MAP3K19: variants seen among roughly 807,000 people sequenced by gnomAD.
MAP3K19 encodes the protein mitogen-activated protein kinase kinase kinase 19.
MAP3K19 carries 91 observed loss-of-function variants against 114.4 expected under a neutral mutation model. The ratio of observed to expected loss-of-function variants is 0.80; its 90% confidence interval spans 0.67 to 0.95. The LOEUF (loss-of-function observed/expected upper bound fraction) is 0.95, where lower values mean the gene tolerates loss of function less well. Among genes scored for constraint, MAP3K19 ranks in the 40% least tolerant of loss-of-function variants. The probability of loss-of-function intolerance (pLI) is 0.00; values close to 1 mark genes in which losing one functional copy is unlikely to be tolerated. For synonymous variants in MAP3K19, 518 were observed against 530.5 expected, an observed-to-expected ratio of 0.98 and a Z score of 0.32; for missense variants, 1,471 against 1,573.2, an observed-to-expected ratio of 0.94 and a Z score of 1.10.
At chr2:135,033,540 T>C (rs1404336627) in intron 2 of MAP3K19, among the ~76,000 whole-genome samples, 9 of 56,192 alleles carry the variant, frequency 1.6e-4, no homozygotes, top group African/African-American at 2.5e-4. Context: ...GAGGCGCCCC[T>C]CACCTCCCGG....
chr2:134,998,906 G>A lies in MAP3K19; in HGVS notation c.406C>T (p.Leu136=), dbSNP rs1686226078. 6 of 1,614,060 alleles carry A rather than the reference G, an allele frequency of 3.7e-6. No homozygotes were observed. The East Asian group carries it at 1.1e-4, about 30-fold the overall frequency. Residue 136 remains leucine (L), a synonymous_variant, in exon 8 of 13, where the codon CTG becomes TTG. Coordinates refer to ENST00000392915, the MANE Select transcript of MAP3K19 (RefSeq NM_025052.5). ...TGCAAAACTAAGGGCCGCATGGTCA[G>A]CTTCTTTTTCCTGAGCTCCACCGTT... ...IETVELRKKK[L]TMRPLVLQKE... is the part of the protein sequence containing the mutation.
At chr2:134,971,368 C>T (rs1414888920) in intron 12 of MAP3K19, among the ~76,000 whole-genome samples, 1 of 152,060 alleles carries the variant, frequency 6.6e-6, no homozygotes, top group African/African-American at 2.4e-5. Context: ...GGATACTGGC[C>T]TATAGTTTTC....
intron 2 of MAP3K19, among the ~76,000 whole-genome samples, chr2:135,037,578 C>A (rs920562112): frequency 6.6e-6 from 1 of 152,012 alleles, no homozygotes; most frequent in African/African-American, 2.4e-5. Context: ...TGTTAGGAGG[C>A]ATGTCTCCAT....
intron 2 of MAP3K19, among the ~76,000 whole-genome samples, chr2:135,034,552 T>C (rs1399951010): frequency 1.5e-5 from 2 of 129,610 alleles, no homozygotes; most frequent in Non-Finnish European, 3.1e-5. Context: ...CCGTCTGCAA[T>C]CCCGGCACCT....
chr2:134,987,743 C>T lies in MAP3K19; in HGVS notation c.1129G>A (p.Ala377Thr), dbSNP rs1459059995. 2 of 1,609,584 alleles carry T rather than the reference C, an allele frequency of 1.2e-6. No homozygotes were observed. Among genetic ancestry groups the T allele is most frequent in the Non-Finnish European group, 1.7e-6 (2 of 1,179,978 alleles). Reference sequence around the variant, plus strand: ...TCTGGATCTTGTTCATAGTTTTTGGCTACTGAACTCTCATTCTTTCTTGAT... The same window carrying T: ...TCTGGATCTTGTTCATAGTTTTTGGTTACTGAACTCTCATTCTTTCTTGAT... Reference protein sequence around the residue: ...LSSRKNESSVAKNYEQDPEIV... With the variant: ...LSSRKNESSVTKNYEQDPEIV... The change falls in exon 10 of 13, where the codon GCC becomes ACC. Residue 377 changes from alanine (A) to threonine (T), a missense_variant. Transcript: ENST00000392915.
intron 9 of MAP3K19, 138 bp downstream of exon 9, chr2:134,991,399 C>A (rs929366800): frequency 2.8e-6 from 2 of 722,930 alleles, no homozygotes; most frequent in Non-Finnish European, 5.0e-6. Flanking sequence ...GGATTTTTGA[C>A]TGTGTTGGGG....
In MAP3K19 at chr2:134,964,844, G is replaced by A. The variant is rs187643783; in HGVS notation, c.*6C>T. 7.5e-5 allele frequency: 120 copies of A among 1,609,680 alleles called. No homozygotes were observed. The East Asian group carries it at 1.8e-3, about 24-fold the overall frequency. ...GTGGAACTGGGAAGAAAGTCTTGAT[G>A]TATATTCAGTGACTTCTCTCCAAGA... On this transcript the variant is annotated 3_prime_UTR_variant, in exon 13 of 13. Transcript: ENST00000392915.
At chr2:135,036,643 G>A (rs1036916750) in intron 2 of MAP3K19, among the ~76,000 whole-genome samples, 14 of 88,962 alleles carry the variant, frequency 1.6e-4, no homozygotes, top group African/African-American at 7.9e-4. Context: ...CATTATGTGT[G>A]TGTGTGTGTG....
chr2:135,009,681 C>T (rs1025767450), intron 5 of MAP3K19, among the ~76,000 whole-genome samples: 1 of 151,886 alleles, frequency 6.6e-6, no homozygotes, highest in South Asian at 2.1e-4. Context: ...TCATACCCAC[C>T]TACAAAATCC....
intron 11 of MAP3K19, chr2:134,983,048 T>C: frequency 2.7e-6 from 1 of 364,328 alleles, no homozygotes; most frequent in East Asian, 7.1e-5. Flanking sequence ...TGTCATTTTC[T>C]TTGTGTTGGG....
chr2:134,965,155 T>C (rs961806564), intron 12 of MAP3K19, among the ~76,000 whole-genome samples: 1 of 152,176 alleles, frequency 6.6e-6, no homozygotes, highest in Non-Finnish European at 1.5e-5. Flanking sequence ...TTAAATAATA[T>C]ATATACAACT....
At chr2:134,971,959 T>C (rs866099668) in intron 12 of MAP3K19, among the ~76,000 whole-genome samples, 1 of 152,014 alleles carries the variant, frequency 6.6e-6, no homozygotes, top group Non-Finnish European at 1.5e-5. Flanking sequence ...TTTTTATTTT[T>C]AATTTTTGTA....
intron 2 of MAP3K19, among the ~76,000 whole-genome samples, chr2:135,035,527 T>G (rs2104792581): frequency 6.6e-6 from 1 of 152,294 alleles, no homozygotes; most frequent in South Asian, 2.1e-4. Flanking sequence ...CTAAAGGATA[T>G]CGGGTTTCTT....
chr2:135,013,344 C>G lies in MAP3K19; in HGVS notation c.139-7813G>C, dbSNP rs991923262. Among the ~76,000 whole-genome samples, 11 of 149,884 alleles carry G rather than the reference C, an allele frequency of 7.3e-5. No homozygotes were observed. The South Asian group carries it at 8.4e-4, about 11-fold the overall frequency. On this transcript the variant is annotated intron_variant, in intron 5 of 12. Coordinates refer to ENST00000392915, the MANE Select transcript of MAP3K19 (RefSeq NM_025052.5). ...AAAAAAAGAAGAAGAAGAAGAAGAA[C>G]AAGGTATAGGGATTTCCCATATACC... is the stretch of plus-strand genomic sequence containing the variant.
chr2:135,033,410 G>A lies in MAP3K19; in HGVS notation c.-283-2910C>T, dbSNP rs1240330635. Reference sequence around the variant, plus strand: ...GCCCTCCCGGACGGGGCGGCTGGCCGGGCAGAGGGGATCCTCACTTCCCAG... The same window carrying A: ...GCCCTCCCGGACGGGGCGGCTGGCCAGGCAGAGGGGATCCTCACTTCCCAG... On this transcript the variant is annotated intron_variant, in intron 2 of 12. Coordinates refer to ENST00000392915, the MANE Select transcript of MAP3K19 (RefSeq NM_025052.5). 2.1e-4 allele frequency among the ~76,000 whole-genome samples: 24 copies of A among 116,784 alleles called. 1 individual carries two copies. Among genetic ancestry groups the A allele is most frequent in the East Asian group, 8.3e-4 (3 of 3,626 alleles). 76.6% of individuals were successfully genotyped at this position (116,784 alleles called of 152,430 possible). A position where few individuals can be genotyped will look rare whatever the true frequency, so the allele number is the denominator to read the frequency against.
At chr2:134,984,019 T>A (rs908263372) in intron 10 of MAP3K19, among the ~76,000 whole-genome samples, 194 bp from the exon 11 acceptor site, 1 of 152,224 alleles carries the variant, frequency 6.6e-6, no homozygotes, top group Admixed American at 6.5e-5. Context: ...TTGTTAATTA[T>A]ACACATTTTA....
intron 1 of MAP3K19, among the ~76,000 whole-genome samples, chr2:135,043,128 A>C (rs1473479659): frequency 6.6e-6 from 1 of 152,136 alleles, no homozygotes; most frequent in Non-Finnish European, 1.5e-5. Flanking sequence ...GGTTCACAGG[A>C]TTTGTGACTG....
intron 3 of MAP3K19, among the ~76,000 whole-genome samples, chr2:135,026,734 A>G (rs1231188919): frequency 6.6e-6 from 1 of 152,210 alleles, no homozygotes; most frequent in Non-Finnish European, 1.5e-5. Flanking sequence ...ACTATTATAA[A>G]TTGCTTTTCA....
intron 8 of MAP3K19, among the ~76,000 whole-genome samples, chr2:134,998,528 A>G (rs1686190921): frequency 6.6e-6 from 1 of 152,188 alleles, no homozygotes. Flanking sequence ...TTTCTGCTGG[A>G]ACATTATGCC....
Sources: gnomAD v4.1 joint callset for allele counts (sites outside exome capture counted in the v4.1 genomes callset) on GRCh38, gnomAD v4.1.1 for gene constraint, MANE v1.5 for transcripts, NCBI Gene and HGNC (gene_info 2026-07-23, HGNC 2026-07-21) for gene names.